The following PCLO variants were observed in gnomAD, a reference collection of about 807,000 sequenced individuals.
PCLO encodes protein piccolo.
In PCLO, 82 loss-of-function variants were observed where a neutral mutation model predicts 427.5. The ratio of observed to expected loss-of-function variants is 0.19; its 90% CI spans 0.16 to 0.23. The LOEUF is 0.23. Among genes scored for constraint, PCLO ranks in the 10% least tolerant of loss-of-function variants. The probability of loss-of-function intolerance (pLI) is 1.00; values close to 1 mark genes in which losing one functional copy is unlikely to be tolerated. For synonymous variants in PCLO, 2,357 were observed against 2,155.4 expected, an observed-to-expected ratio of 1.09 and a Z score of -2.59; for missense variants, 6,239 against 6,115.9, an observed-to-expected ratio of 1.02 and a Z score of -0.67.
chr7:82,972,248 AT>A (rs961185067), intron 3 of PCLO, among the ~76,000 whole-genome samples: 61 of 151,998 alleles, frequency 4.0e-4, no homozygotes, highest in Admixed American at 3.8e-3. Flanking sequence ...CAAAAAATCC[AT>A]TCATCTTAAG....
At chr7:83,077,083 C>T (rs79918238) in intron 3 of PCLO, among the ~76,000 whole-genome samples, 1 of 151,952 alleles carries the variant, frequency 6.6e-6, no homozygotes, top group African/African-American at 2.4e-5. Flanking sequence ...TTCAGAAACA[C>T]CTAAAATTCT....
chr7:83,074,861 T>G (rs1789911136), intron 3 of PCLO, among the ~76,000 whole-genome samples: 2 of 152,092 alleles, frequency 1.3e-5, no homozygotes, highest in Admixed American at 1.3e-4. Context: ...ATACCACTAA[T>G]GAAAGAAAAA....
intron 9 of PCLO, among the ~76,000 whole-genome samples, chr7:82,900,637 T>C (rs946110444): frequency 1.3e-5 from 2 of 151,596 alleles, no homozygotes; most frequent in South Asian, 2.1e-4. Context: ...ACCTATCAGA[T>C]TGGAGGAGAT....
rs1451086275 is a variant in PCLO, at chr7:83,017,405, T to TA, written c.3301-50919dup. Among the ~76,000 whole-genome samples the TA allele has an allele frequency of 2.0e-5, 3 of 151,944 alleles. No homozygotes were observed. The East Asian group carries it at 5.8e-4, about 30-fold the overall frequency. Reference sequence around the variant, plus strand: ...AATGGAAATGGACAACTAAAGCACATATGATAAAAGAACTGTAATTCATTC... The same window carrying TA: ...AATGGAAATGGACAACTAAAGCACATAATGATAAAAGAACTGTAATTCATTC... On this transcript the variant is annotated intron_variant, in intron 3 of 24. Transcript: ENST00000333891.
intron 2 of PCLO, among the ~76,000 whole-genome samples, chr7:83,137,223 A>G (rs909963744): frequency 5.9e-5 from 9 of 152,202 alleles, no homozygotes; most frequent in African/African-American, 9.6e-5. Context: ...AAACATTTTA[A>G]AACTTCTTTG....
chr7:82,777,457 G>T (rs1490910918), intron 22 of PCLO, among the ~76,000 whole-genome samples: 1 of 152,048 alleles, frequency 6.6e-6, no homozygotes, highest in African/African-American at 2.4e-5. Flanking sequence ...ACAATCCTAA[G>T]CAAAAAGAAC....
chr7:82,802,176 G>A (rs142303634), intron 21 of PCLO, among the ~76,000 whole-genome samples: 362 of 151,304 alleles, frequency 2.4e-3, no homozygotes, highest in African/African-American at 8.3e-3. Context: ...TTCTTGCTAT[G>A]GGTAATGTAA....
chr7:82,770,027 C>G (rs556694337), intron 22 of PCLO, among the ~76,000 whole-genome samples: 1 of 152,204 alleles, frequency 6.6e-6, no homozygotes, highest in African/African-American at 2.4e-5. Context: ...TATTAATGCC[C>G]TACTAGCTGT....
intron 10 of PCLO, among the ~76,000 whole-genome samples, chr7:82,864,192 T>C (rs1168054950): frequency 6.6e-6 from 1 of 152,154 alleles, no homozygotes; most frequent in African/African-American, 2.4e-5. Flanking sequence ...GCATAATCAG[T>C]ATAAATAAAT....
At chr7:83,074,454 G>A (rs974055314) in intron 3 of PCLO, among the ~76,000 whole-genome samples, 2 of 151,880 alleles carry the variant, frequency 1.3e-5, no homozygotes, top group Non-Finnish European at 2.9e-5. Flanking sequence ...TTATGTAAAA[G>A]TATATCCAGA....
intron 20 of PCLO, among the ~76,000 whole-genome samples, chr7:82,815,902 A>C (rs956000398): frequency 2.0e-5 from 3 of 152,270 alleles, no homozygotes; most frequent in Admixed American, 6.5e-5. Flanking sequence ...TAAAATATAA[A>C]ATGATGGTTA....
intron 22 of PCLO, among the ~76,000 whole-genome samples, chr7:82,787,263 T>G (rs1344653692): frequency 6.6e-6 from 1 of 152,118 alleles, no homozygotes; most frequent in Non-Finnish European, 1.5e-5. Flanking sequence ...TTCCTGACTT[T>G]TTAATGATAG....
chr7:83,082,041 A>G (rs1318220050), intron 3 of PCLO, among the ~76,000 whole-genome samples: 1 of 151,564 alleles, frequency 6.6e-6, no homozygotes, highest in African/African-American at 2.4e-5. Flanking sequence ...TATTAGATGA[A>G]ATGATACTGA....
At chr7:82,814,072 T>C (rs1280793561) in intron 20 of PCLO, among the ~76,000 whole-genome samples, 1 of 151,836 alleles carries the variant, frequency 6.6e-6, no homozygotes. Flanking sequence ...ATTCTACCTT[T>C]ATAACACTTC....
At chr7:82,862,020 A>T (rs968190781) in intron 10 of PCLO, among the ~76,000 whole-genome samples, 1 of 151,944 alleles carries the variant, frequency 6.6e-6, no homozygotes, top group Non-Finnish European at 1.5e-5. Flanking sequence ...AAAAGTTGAA[A>T]TGAAAAATCT....
At chr7:82,879,133 C>T (rs779936086) in intron 10 of PCLO, among the ~76,000 whole-genome samples, 16 of 151,960 alleles carry the variant, frequency 1.1e-4, no homozygotes, top group Admixed American at 2.0e-4. Context: ...TAGCCAACTG[C>T]CAAAAGGACA....
rs535049544 is a variant in PCLO, at chr7:83,057,552, G to A, written c.3300+76698C>T. On this transcript the variant is annotated intron_variant, in intron 3 of 24. Coordinates refer to ENST00000333891, the MANE Select transcript of PCLO (RefSeq NM_033026.6). ...AATTTTTTGTATTTTTAGTGGAGAC[G>A]GAGTTTCACTATGTTAGCCAGGATG... 1.9e-4 allele frequency among the ~76,000 whole-genome samples: 29 copies of A among 149,108 alleles called. No homozygotes were observed. The South Asian group carries it at 5.6e-3, about 29-fold the overall frequency.
chr7:82,896,876 T>C (rs1562843701), intron 9 of PCLO, among the ~76,000 whole-genome samples: 2 of 151,704 alleles, frequency 1.3e-5, no homozygotes, highest in Admixed American at 6.6e-5. Context: ...ACTATTATAA[T>C]TGCTAAGTCT....
chr7:82,847,377 G>A (rs1792531378), intron 10 of PCLO, 130 bp from the exon 11 acceptor site: 2 of 584,210 alleles, frequency 3.4e-6, no homozygotes, highest in Admixed American at 6.3e-5. Context: ...TCAGTTCCAA[G>A]TTCTCTGCAA....
Sources: gnomAD v4.1 joint callset for allele counts (sites outside exome capture counted in the v4.1 genomes callset) on GRCh38, gnomAD v4.1.1 for gene constraint, MANE v1.5 for transcripts, NCBI Gene and HGNC (gene_info 2026-07-23, HGNC 2026-07-21) for gene names.